Variants in MED26 observed in about 807,000 individuals in gnomAD.
The protein encoded by MED26 is mediator of RNA polymerase II transcription subunit 26.
In MED26, 7 loss-of-function variants were observed where a neutral mutation model predicts 43.7. That is an observed-to-expected ratio of 0.16 (90% CI 0.09 to 0.30). The LOEUF (loss-of-function observed/expected upper bound fraction) is 0.30, where lower values mean the gene tolerates loss of function less well. Ranked by LOEUF, MED26 falls within the 10% of genes least tolerant of loss-of-function variation. The pLI, the probability that MED26 is intolerant of heterozygous loss-of-function variation, is 1.00. For missense variants in MED26, 784 were observed against 840.6 expected (o/e 0.93, Z 0.83); for synonymous variants, 375 against 371.1 (o/e 1.01, Z -0.12).
intron 1 of MED26, among the ~76,000 whole-genome samples, chr19:16,619,390 C>T (rs1259427739): frequency 6.6e-6 from 1 of 152,216 alleles, no homozygotes; most frequent in East Asian, 1.9e-4. Flanking sequence ...ACTACTACAT[C>T]ACCCTGGGGG....
intron 1 of MED26, among the ~76,000 whole-genome samples, chr19:16,621,149 T>C (rs2086249876): frequency 6.6e-6 from 1 of 152,232 alleles, no homozygotes. Flanking sequence ...AGCGGAAGAC[T>C]GTCGTAGTTA....
chr19:16,576,244 T>A lies in MED26; in HGVS notation c.1586A>T (p.His529Leu). ...ESTRQGARQL[H>L]VLVPQSPPTD... ...GGGCGGGCTTTGAGGCACCAGCACATGCAGCTGCCTGGCCCCTTGCCGGGT... is the reference window on the plus strand; with the variant it reads ...GGGCGGGCTTTGAGGCACCAGCACAAGCAGCTGCCTGGCCCCTTGCCGGGT... The change falls in exon 3 of 3, where the codon CAT (histidine) becomes CTT (leucine). Residue 529 changes from histidine to leucine, a missense_variant. By Grantham distance (99) the His-to-Leu change is moderately conservative. Transcript: ENST00000263390. This position sits in a 1 kb window ranked among gnomAD's most constrained non-coding sequence, Gnocchi z 6.8. 1.2e-6 allele frequency: 2 copies of A among 1,611,220 alleles called. No individual in the cohort carries two copies. The highest frequency in any genetic ancestry group is 1.7e-6 in the Non-Finnish European group (2 of 1,180,006).
intron 1 of MED26, among the ~76,000 whole-genome samples, chr19:16,622,871 C>T (rs1298663833): frequency 1.3e-5 from 2 of 152,222 alleles, no homozygotes; most frequent in African/African-American, 4.8e-5. Context: ...TAAACTAGAG[C>T]TCCATCTGAG....
In MED26 at chr19:16,576,099, C is replaced by T. The variant is rs747519428; in HGVS notation, c.1731G>A (p.Thr577=). ...CGTGCGGATCGAGCGATATGCACTG[C>T]GTCCAGTCATACCAGTTACCCTGTG... is the stretch of plus-strand genomic sequence containing the variant. ...QDTQGNWYDW[T]QCISLDPHGD... Residue 577 remains threonine, a synonymous_variant, in exon 3 of 3, where the codon ACG becomes ACA. Transcript: ENST00000263390. This position sits in a 1 kb window ranked among gnomAD's most constrained non-coding sequence, Gnocchi z 6.8. 44 of 1,613,918 alleles carry T rather than the reference C, an allele frequency of 2.7e-5. 1 individual carries two copies. Among genetic ancestry groups the T allele is most frequent in the Middle Eastern group, 3.3e-4 (2 of 6,062 alleles).
intron 2 of MED26, 141 bp downstream of exon 2, chr19:16,578,194 A>ACGAG: frequency 1.2e-6 from 1 of 805,784 alleles, no homozygotes; most frequent in Non-Finnish European, 2.1e-6. Context: ...ATCGCGAGGC[A>ACGAG]CGAGCTGTGA....
At chr19:16,609,177 T>C (rs537183437) in intron 1 of MED26, among the ~76,000 whole-genome samples, 1 of 152,100 alleles carries the variant, frequency 6.6e-6, no homozygotes, top group East Asian at 1.9e-4. Flanking sequence ...TAGCCGGGTA[T>C]GGTGGTGCAC....
At chr19:16,609,336 A>AAAAAAAAAAAAGAG (rs765489188) in intron 1 of MED26, among the ~76,000 whole-genome samples, 1 of 142,264 alleles carries the variant, frequency 7.0e-6, no homozygotes, top group Non-Finnish European at 1.6e-5. Context: ...AAAAAAAAAA[A>AAAAAAAAAAAAGAG]AGAGAGAGAA....
chr19:16,626,554 T>G (rs2122467339), intron 1 of MED26, among the ~76,000 whole-genome samples: 1 of 152,242 alleles, frequency 6.6e-6, no homozygotes, highest in Non-Finnish European at 1.5e-5. Flanking sequence ...ACCAGAGCCT[T>G]CGAAAAAACT....
chr19:16,627,302 C>G (rs2086283296), intron 1 of MED26, among the ~76,000 whole-genome samples: 1 of 152,144 alleles, frequency 6.6e-6, no homozygotes, highest in African/African-American at 2.4e-5. Context: ...AGAAGGGAGA[C>G]AGACTCTCCA....
chr19:16,612,997 C>T (rs1171905436), intron 1 of MED26, among the ~76,000 whole-genome samples: 1 of 152,136 alleles, frequency 6.6e-6, no homozygotes, highest in Non-Finnish European at 1.5e-5. Context: ...CCCCTAGCTC[C>T]TGAAAAGTCG....
At chr19:16,608,575 G>A (rs775780723) in intron 1 of MED26, among the ~76,000 whole-genome samples, 58 of 152,152 alleles carry the variant, frequency 3.8e-4, no homozygotes, top group South Asian at 8.3e-4. Flanking sequence ...GCAAACTCCT[G>A]GGCCATTCCA....
chr19:16,612,319 C>G (rs2086203275), intron 1 of MED26: 1 of 152,228 alleles, frequency 6.6e-6, no homozygotes, highest in African/African-American at 2.4e-5. Flanking sequence ...GGGTCTCGCT[C>G]TATCACCCAA....
intron 1 of MED26, among the ~76,000 whole-genome samples, chr19:16,589,933 C>T (rs73516909): frequency 7.8e-4 from 119 of 152,326 alleles, no homozygotes; most frequent in African/African-American, 2.8e-3. Flanking sequence ...GAGAGCCCCA[C>T]AGAACAAGGT....
chr19:16,610,256 C>T (rs1261806645), intron 1 of MED26: 1 of 152,014 alleles, frequency 6.6e-6, no homozygotes, highest in African/African-American at 2.4e-5. Context: ...GTTTTTAGAG[C>T]AAGACTCTGT....
rs571147808 is a variant in MED26, at chr19:16,577,391, G to A, written c.439C>T (p.Arg147Cys). Residue 147 changes from arginine to cysteine, a missense_variant, in exon 3 of 3, where the codon CGC (arginine) becomes TGC (cysteine). Arg to Cys is a radical substitution (Grantham distance 180, BLOSUM62 -3). This residue lies in a region of MED26 where 719 missense variants were observed against 730.9 expected (regional missense o/e 0.98). Coordinates refer to ENST00000263390, the MANE Select transcript of MED26 (RefSeq NM_004831.5). The surrounding 1 kb of genome is among the most constrained non-coding windows in gnomAD (Gnocchi z 8.1). ...PGQRLDRLGS[R>C]KRRGDQRDLG... Reference sequence around the variant, plus strand: ...TCACGCTGGTCACCCCGGCGCTTGCGGCTGCCCAGCCTGTCCAGCCGCTGC... The same window carrying A: ...TCACGCTGGTCACCCCGGCGCTTGCAGCTGCCCAGCCTGTCCAGCCGCTGC... 58 of 1,607,038 alleles carry A rather than the reference G, an allele frequency of 3.6e-5. No individual in the cohort carries two copies. Among genetic ancestry groups the A allele is most frequent in the Non-Finnish European group, 4.5e-5 (53 of 1,176,986 alleles).
rs183220337 is a variant in MED26 at position 16,617,340 on chromosome 19, A to T, written c.72+10532T>A. Reference sequence around the variant, plus strand: ...CACATGCTGTTTCTGTCTGCACAAAAGGTCCTGCTCCTTCGGAAACACCTC... The same window carrying T: ...CACATGCTGTTTCTGTCTGCACAAATGGTCCTGCTCCTTCGGAAACACCTC... On this transcript the variant is annotated intron_variant, in intron 1 of 2. Transcript: ENST00000263390. Among the ~76,000 whole-genome samples, 5 of 152,282 alleles carry T rather than the reference A, an allele frequency of 3.3e-5. No individual in the cohort carries two copies. In the East Asian group the frequency reaches 9.7e-4, roughly 29 times the overall value.
intron 1 of MED26, among the ~76,000 whole-genome samples, chr19:16,581,522 G>C (rs1350388539): frequency 1.3e-5 from 2 of 152,250 alleles, no homozygotes; most frequent in African/African-American, 4.8e-5. Context: ...TGAAGCAGCA[G>C]TCCTTGCAGA....
rs921156870 is a variant in MED26, at chr19:16,627,859, G to A, written c.72+13C>T. 2.7e-6 allele frequency: 4 copies of A among 1,482,456 alleles called. No homozygotes were observed. The highest frequency in any genetic ancestry group is 1.4e-5 in the African/African-American group (1 of 69,002). 91.8% of individuals were successfully genotyped at this position (1,482,456 alleles called of 1,614,324 possible). A position where few individuals can be genotyped will look rare whatever the true frequency, so the allele number is the denominator to read the frequency against. ...ATGCGGCCTCCGTCCCAGCTCGCGC[G>A]GCGGGTACTTACGTTGCTCTGGGGG... On this transcript the variant is annotated intron_variant, in intron 1 of 2. Coordinates refer to ENST00000263390, the MANE Select transcript of MED26 (RefSeq NM_004831.5).
intron 1 of MED26, chr19:16,610,394 C>CT (rs745450468): frequency 2.3e-3 from 330 of 141,834 alleles, no homozygotes; most frequent in East Asian, 3.5e-3. Context: ...CTTATAATTT[C>CT]TTTTTTTTTT....
Sources: allele counts gnomAD v4.1 joint callset (sites outside exome capture counted in the v4.1 genomes callset), GRCh38; gene constraint gnomAD v4.1.1; regional missense constraint gnomAD v4.1.1; non-coding constraint Gnocchi (gnomAD v3.1); transcripts MANE v1.5; gene names NCBI Gene and HGNC (gene_info 2026-07-23, HGNC 2026-07-21).